The following CACNA1C variants were observed in gnomAD, a reference collection of about 807,000 sequenced individuals.
The protein encoded by CACNA1C is calcium voltage-gated channel subunit alpha1 C.
A neutral mutation model predicts 229.0 loss-of-function variants in CACNA1C; 30 were observed. The observed-to-expected ratio is 0.13, with a 90% CI of 0.10 to 0.18. The LOEUF (loss-of-function observed/expected upper bound fraction) is 0.18, where lower values mean the gene tolerates loss of function less well. Ranked by LOEUF, CACNA1C falls within the 10% of genes least tolerant of loss-of-function variation. CACNA1C has a pLI of 1.00. For synonymous variants in CACNA1C, 1,114 were observed against 1,132.5 expected (o/e 0.98, Z 0.33); for missense variants, 1,658 against 2,845.0 (o/e 0.58, Z 9.49).
rs897086415 is a variant in CACNA1C at position 2,410,216 on chromosome 12, G to T, written c.478-38760G>T. 6.6e-6 allele frequency among the ~76,000 whole-genome samples: 1 copy of T among 152,154 alleles called. No individual in the cohort carries two copies. Among genetic ancestry groups the T allele is most frequent in the African/African-American group, 2.4e-5 (1 of 41,436 alleles). ...CCGCAGCACTGAGGCTTGGCCAGTC[G>T]TGATGCCTATGGCGACCGCAGAATC... is the stretch of plus-strand genomic sequence containing the variant. On this transcript the variant is annotated intron_variant, in intron 3 of 46. Transcript: ENST00000399655. The surrounding 1 kb of genome is among the most constrained non-coding windows in gnomAD (Gnocchi z 5.3).
Position 2,605,902 on chromosome 12 carries a change from G to A in CACNA1C, c.3156+116G>A, listed in dbSNP as rs1025931371. 2.7e-6 allele frequency: 2 copies of A among 739,912 alleles called. No individual in the cohort carries two copies. Among genetic ancestry groups the A allele is most frequent in the Non-Finnish European group, 4.7e-6 (2 of 422,372 alleles). The allele number at this position is 739,912 out of a possible 1,614,324, so 45.8% of individuals were successfully genotyped here. ...AGTGTCCTGAGCCAGACTTGGCTTG[G>A]ATATAACCTCCACCTGCAGCCCGAC... On this transcript the variant is annotated intron_variant, in intron 24 of 46. Transcript: ENST00000399655. The surrounding 1 kb of genome is among the most constrained non-coding windows in gnomAD (Gnocchi z 6.2).
chr12:2,088,765 C>T (rs998848336), intron 1 of CACNA1C, among the ~76,000 whole-genome samples: 2 of 152,036 alleles, frequency 1.3e-5, no homozygotes, highest in Admixed American at 6.6e-5. Flanking sequence ...CCACTGTCCT[C>T]GGGTGGGCTC....
chr12:2,077,032 C>T (rs573460304), intron 1 of CACNA1C, among the ~76,000 whole-genome samples: 6 of 152,286 alleles, frequency 3.9e-5, no homozygotes, highest in Admixed American at 2.0e-4. Flanking sequence ...GCAATGAGGT[C>T]GAGCAACATT....
rs186583684 is a variant in CACNA1C at position 2,479,952 on chromosome 12, G to A, written c.758-6152G>A. 2.0e-5 allele frequency among the ~76,000 whole-genome samples: 3 copies of A among 152,312 alleles called. No homozygotes were observed. Among genetic ancestry groups the A allele is most frequent in the South Asian group, 4.1e-4 (2 of 4,828 alleles). Reference sequence around the variant, plus strand: ...AGATTGCCCCAGTAAAGCCAGCAGAGTAGAGGACCCCTGGCCTAATGCTGT... The same window carrying A: ...AGATTGCCCCAGTAAAGCCAGCAGAATAGAGGACCCCTGGCCTAATGCTGT... On this transcript the variant is annotated intron_variant, in intron 5 of 46. Transcript: ENST00000399655. The surrounding 1 kb of genome is among the most constrained non-coding windows in gnomAD (Gnocchi z 4.3).
chr12:2,089,410 TGGACGCC>T (rs2069238549), intron 1 of CACNA1C, among the ~76,000 whole-genome samples: 1 of 152,208 alleles, frequency 6.6e-6, no homozygotes, highest in South Asian at 2.1e-4. Flanking sequence ...AGCACCATGC[TGGACGCC>T]GTGCGAGGTA....
rs533290745 is a variant in CACNA1C at position 2,348,999 on chromosome 12, G to T, written c.478-99977G>T. ...TTAGCCCAGAATGGTGAAGAAAATG[G>T]CTGTCACCCAAAACACACTGAATTG... On this transcript the variant is annotated intron_variant, in intron 3 of 46. Coordinates refer to ENST00000399655, the MANE Select transcript of CACNA1C (RefSeq NM_000719.7). This position sits in a 1 kb window ranked among gnomAD's most constrained non-coding sequence, Gnocchi z 4.7. Among the ~76,000 whole-genome samples, 19 of 152,282 alleles carry T rather than the reference G, an allele frequency of 1.2e-4. 1 individual carries two copies. The South Asian group carries it at 3.7e-3, about 30-fold the overall frequency.
Position 2,124,664 on chromosome 12 carries a change from T to C in CACNA1C, c.477+4234T>C, listed in dbSNP as rs1475147580. 5.2e-4 allele frequency among the ~76,000 whole-genome samples: 79 copies of C among 151,874 alleles called. 3 individuals carry two copies. The highest frequency in any genetic ancestry group is 5.2e-3 in the Admixed American group (79 of 15,274). The stretch of plus-strand genomic sequence containing the variant: ...GTCCAGATGGTGGTGACAATAAGGA[T>C]AGAGAGGGGGCAGTGGATTTAGGAG... On this transcript the variant is annotated intron_variant, in intron 3 of 46. Transcript: ENST00000399655.
chr12:2,115,077 C>T lies in CACNA1C; in HGVS notation c.50-147C>T, dbSNP rs112230077. ...GGCCCTCTTCCCTCAGCATCTCACACTCATGTTTCCACGTGCCACCTCCTA... is the reference window on the plus strand; with the variant it reads ...GGCCCTCTTCCCTCAGCATCTCACATTCATGTTTCCACGTGCCACCTCCTA... On this transcript the variant is annotated intron_variant, in intron 1 of 46. Coordinates refer to ENST00000399655, the MANE Select transcript of CACNA1C (RefSeq NM_000719.7). 2,854 of 651,612 alleles carry T rather than the reference C, an allele frequency of 4.4e-3. 63 individuals are homozygous for T. The African/African-American group carries it at 0.044, about 10-fold the overall frequency. 40.4% of individuals were successfully genotyped at this position (651,612 alleles called of 1,614,324 possible). A position where few individuals can be genotyped will look rare whatever the true frequency, so the allele number is the denominator to read the frequency against.
At chr12:2,151,434 A>G (rs1350820359) in intron 3 of CACNA1C, among the ~76,000 whole-genome samples, 8 of 151,560 alleles carry the variant, frequency 5.3e-5, no homozygotes, top group Admixed American at 5.3e-4. Flanking sequence ...ATAGGTTTTT[A>G]TAGACATTTG....
At chr12:2,500,353 A>G (rs1344405866) in intron 7 of CACNA1C, among the ~76,000 whole-genome samples, 7 of 152,206 alleles carry the variant, frequency 4.6e-5, no homozygotes, top group Non-Finnish European at 7.3e-5. Context: ...CGCAGAAGAA[A>G]GGATTCCCAG....
chr12:2,352,186 C>T (rs1370911895), intron 3 of CACNA1C, among the ~76,000 whole-genome samples: 2 of 152,166 alleles, frequency 1.3e-5, no homozygotes, highest in African/African-American at 4.8e-5. Context: ...ATGTCCCAGA[C>T]CTGCACTGTG....
intron 1 of CACNA1C, among the ~76,000 whole-genome samples, chr12:2,012,033 T>C (rs1289061463): frequency 6.6e-6 from 1 of 152,230 alleles, no homozygotes; most frequent in Non-Finnish European, 1.5e-5. Context: ...CAACCTACTA[T>C]GTTACCTTTT....
chr12:2,376,419 G>A (rs542881048), intron 3 of CACNA1C, among the ~76,000 whole-genome samples: 13 of 152,200 alleles, frequency 8.5e-5, no homozygotes, highest in Non-Finnish European at 1.8e-4. Flanking sequence ...ATAGCACCGA[G>A]ATGGTGTCTT....
intron 18 of CACNA1C, 112 bp downstream of exon 18, chr12:2,586,016 G>C (rs140615509): frequency 1.7e-6 from 1 of 592,852 alleles, no homozygotes; most frequent in African/African-American, 1.9e-5. Flanking sequence ...GTGTCCCTCT[G>C]TAAGTACCTT....
intron 3 of CACNA1C, among the ~76,000 whole-genome samples, chr12:2,143,620 T>A (rs1328256330): frequency 2.6e-5 from 4 of 151,266 alleles, no homozygotes; most frequent in African/African-American, 9.7e-5. Context: ...GCGTGTGTCG[T>A]AGGCTGTGCC....
Position 2,691,359 on chromosome 12 carries a change from C to T in CACNA1C, c.*160C>T. 1 of 783,222 alleles carries T rather than the reference C, an allele frequency of 1.3e-6. No individual in the cohort carries two copies. The highest frequency in any genetic ancestry group is 1.8e-6 in the Non-Finnish European group (1 of 566,616). The allele number at this position is 783,222 out of a possible 1,614,324, so 48.5% of individuals were successfully genotyped here. Reference sequence around the variant, plus strand: ...CGCGGAGCCTGGGTGCGCGAGCCGCCCTCCGGGAGGAAGGCGCCCGGCTGC... The same window carrying T: ...CGCGGAGCCTGGGTGCGCGAGCCGCTCTCCGGGAGGAAGGCGCCCGGCTGC... On this transcript the variant is annotated 3_prime_UTR_variant, in exon 47 of 47. Coordinates refer to ENST00000399655, the MANE Select transcript of CACNA1C (RefSeq NM_000719.7).
intron 3 of CACNA1C, among the ~76,000 whole-genome samples, chr12:2,384,369 T>G (rs11833482): frequency 6.6e-6 from 1 of 152,226 alleles, no homozygotes; most frequent in Non-Finnish European, 1.5e-5. Context: ...CCTTATGTTG[T>G]TGGATCTTAC....
At chr12:2,286,071 T>A (rs2154444491) in intron 3 of CACNA1C, among the ~76,000 whole-genome samples, 1 of 152,290 alleles carries the variant, frequency 6.6e-6, no homozygotes, top group Non-Finnish European at 1.5e-5. Context: ...TGTTGCCTCG[T>A]GTGAATTATG....
intron 11 of CACNA1C, among the ~76,000 whole-genome samples, chr12:2,558,009 T>C (rs757510288): frequency 2.0e-5 from 3 of 152,242 alleles, no homozygotes; most frequent in Non-Finnish European, 4.4e-5. Context: ...ATTGAGCTAA[T>C]CTTGTTTCCC....
Sources: gnomAD v4.1 joint callset for allele counts (sites outside exome capture counted in the v4.1 genomes callset) on GRCh38, gnomAD v4.1.1 for gene constraint, Gnocchi (gnomAD v3.1) non-coding constraint, MANE v1.5 for transcripts, NCBI Gene and HGNC (gene_info 2026-07-23, HGNC 2026-07-21) for gene names.